PAX5: variants seen among roughly 807,000 people sequenced by gnomAD.
PAX5 encodes paired box protein Pax-5.
A neutral mutation model predicts 43.7 loss-of-function variants in PAX5; 9 were observed. The ratio of observed to expected loss-of-function variants is 0.21; its 90% CI spans 0.12 to 0.36. The LOEUF is 0.36. Among genes scored for constraint, PAX5 ranks in the 10% least tolerant of loss-of-function variants. The probability of loss-of-function intolerance (pLI) is 1.00; values close to 1 mark genes in which losing one functional copy is unlikely to be tolerated. For synonymous variants in PAX5, 228 were observed against 214.3 expected (o/e 1.06, Z -0.56); for missense variants, 383 against 532.7 (o/e 0.72, Z 2.77).
intron 7 of PAX5, among the ~76,000 whole-genome samples, chr9:36,902,062 T>A (rs965974553): frequency 6.6e-6 from 1 of 152,138 alleles, no homozygotes; most frequent in African/African-American, 2.4e-5. Context: ...CCCTGTGATT[T>A]TTAAATTCAC....
At position 36,840,561 on chromosome 9, in the gene PAX5, C is replaced by A; in HGVS notation, c.1175G>T (p.Ter392LeuextTer111). 6.3e-7 allele frequency: 1 copy of A among 1,584,898 alleles called. No homozygotes were observed. The highest frequency in any genetic ancestry group is 1.8e-5 in the Admixed American group (1 of 54,572). The change falls in exon 10 of 10, where the codon TGA becomes TTA. Residue 392 changes from the stop codon to leucine (L), a stop_lost. Coordinates refer to ENST00000358127, the MANE Select transcript of PAX5 (RefSeq NM_016734.3). ...PAAATAYDRH[*>L] is the part of the protein sequence containing the mutation. ...TTGGTGCCCGCCTGGCTCCAAGGGTCAGTGACGGTCATAGGCAGTGGCGGC... is the reference window on the plus strand; with the variant it reads ...TTGGTGCCCGCCTGGCTCCAAGGGTAAGTGACGGTCATAGGCAGTGGCGGC...
At chr9:36,957,890 T>C (rs10733484) in intron 6 of PAX5, among the ~76,000 whole-genome samples, 137,640 of 152,100 alleles carry the variant, frequency 0.9, 62,443 homozygotes, top group Non-Finnish European at 0.95. Context: ...CTGATGCAGT[T>C]GATGGTGACC....
intron 5 of PAX5, among the ~76,000 whole-genome samples, chr9:36,978,571 T>A (rs1046839608): frequency 6.6e-6 from 1 of 152,170 alleles, no homozygotes; most frequent in Admixed American, 6.5e-5. Context: ...GCATTACCCC[T>A]ATTTGAGTTT....
rs1210320854 is a variant in PAX5, at chr9:36,966,724, C to G, written c.605G>C (p.Gly202Ala). Residue 202 changes from glycine (G) to alanine (A), a missense_variant and splice_region_variant, in exon 6 of 10, where the codon GGT (glycine) becomes GCT (alanine). Physicochemically the swap from Gly to Ala is moderately conservative, Grantham distance 60 (BLOSUM62 0). Coordinates refer to ENST00000358127, the MANE Select transcript of PAX5 (RefSeq NM_016734.3). ...ADTNKRKRDE[G>A]IQESPVPNGH... ...GTTCGGCACCGGAGACTCCTGAATACCTTTGATGAGCAGGAGAGAGGAAGG... is the reference window on the plus strand; with the variant it reads ...GTTCGGCACCGGAGACTCCTGAATAGCTTTGATGAGCAGGAGAGAGGAAGG... 1.9e-6 allele frequency: 3 copies of G among 1,613,504 alleles called. No homozygotes were observed. The African/African-American group carries it at 4.0e-5, about 22-fold the overall frequency.
rs569897907 is a variant in PAX5 at position 36,912,234 on chromosome 9, A to G, written c.910+11121T>C. 4.6e-5 allele frequency among the ~76,000 whole-genome samples: 7 copies of G among 152,364 alleles called. No homozygotes were observed. The South Asian group carries it at 1.4e-3, about 32-fold the overall frequency. ...AGGGACTCTGGACAAGAGCCCAGAC[A>G]CATAGTAATAACTACCATTTATGGG... On this transcript the variant is annotated intron_variant, in intron 7 of 9. Transcript: ENST00000358127.
At position 36,944,203 on chromosome 9, in the gene PAX5, A is replaced by T. The variant is rs531636985; in HGVS notation, c.781-20719T>A. On this transcript the variant is annotated intron_variant, in intron 6 of 9. Coordinates refer to ENST00000358127, the MANE Select transcript of PAX5 (RefSeq NM_016734.3). ...TGTCTCAAAAAAATAAAAGCTGATT[A>T]AAAAATAATAATAATTGGACCCAAC... is the stretch of plus-strand genomic sequence containing the variant. 2.0e-5 allele frequency among the ~76,000 whole-genome samples: 3 copies of T among 152,282 alleles called. No homozygotes were observed. In the South Asian group the frequency reaches 6.2e-4, roughly 32 times the overall value.
At chr9:37,026,400 T>C in intron 1 of PAX5, 1 of 786,144 alleles carries the variant, frequency 1.3e-6, no homozygotes, top group Non-Finnish European at 1.8e-6. Flanking sequence ...CTGGGATCCC[T>C]GCACTTTGCA....
In PAX5 at chr9:37,015,956, T is replaced by C. The variant is rs570170588; in HGVS notation, c.213-762A>G. The stretch of plus-strand genomic sequence containing the variant: ...TCTTTCACATTCATCTACCATTTTA[T>C]AGTTTACAGAAAACTTTCGAGTCAG... On this transcript the variant is annotated intron_variant, in intron 2 of 9. Transcript: ENST00000358127. The surrounding 1 kb of genome is among the most constrained non-coding windows in gnomAD (Gnocchi z 4.4). Among the ~76,000 whole-genome samples the C allele has an allele frequency of 9.2e-5, 14 of 152,390 alleles. No individual in the cohort carries two copies. The highest frequency in any genetic ancestry group is 3.4e-4 in the African/African-American group (14 of 41,604).
chr9:36,991,003 C>A (rs529218347), intron 5 of PAX5, among the ~76,000 whole-genome samples: 2 of 151,694 alleles, frequency 1.3e-5, no homozygotes, highest in African/African-American at 4.8e-5. Flanking sequence ...CCAGCTACTC[C>A]GAGGCTGAGC....
intron 7 of PAX5, among the ~76,000 whole-genome samples, chr9:36,900,585 G>T (rs898241520): frequency 6.6e-6 from 1 of 152,182 alleles, no homozygotes. Context: ...AAGATGGAGC[G>T]CATCTGTGGC....
chr9:36,858,697 C>T lies in PAX5; in HGVS notation c.1013-11768G>A, dbSNP rs375191957. Among the ~76,000 whole-genome samples the T allele has an allele frequency of 5.9e-5, 9 of 152,192 alleles. 1 individual carries two copies. The South Asian group carries it at 1.9e-3, about 32-fold the overall frequency. ...CCAAAAATGGCCCAGCCCCCTCCAGCTTGGAGACCCTCAAACCTCCTGGCA... is the reference window on the plus strand; with the variant it reads ...CCAAAAATGGCCCAGCCCCCTCCAGTTTGGAGACCCTCAAACCTCCTGGCA... On this transcript the variant is annotated intron_variant, in intron 8 of 9. Transcript: ENST00000358127.
At chr9:37,002,532 G>T (rs1012381964) in intron 5 of PAX5, 116 bp downstream of exon 5, 123 of 1,114,110 alleles carry the variant, frequency 1.1e-4, no homozygotes, top group Middle Eastern at 5.9e-4. Context: ...CGGGGGACTC[G>T]CTCCTCTGCA....
At position 36,943,529 on chromosome 9, in the gene PAX5, T is replaced by TACACACACACACAC. The variant is rs1554668821; in HGVS notation, c.781-20059_781-20046dup. 1.3e-3 allele frequency among the ~76,000 whole-genome samples: 189 copies of TACACACACACACAC among 146,008 alleles called. 1 individual carries two copies. Among genetic ancestry groups the TACACACACACACAC allele is most frequent in the African/African-American group, 4.2e-3 (166 of 39,662 alleles). On this transcript the variant is annotated intron_variant, in intron 6 of 9. Coordinates refer to ENST00000358127, the MANE Select transcript of PAX5 (RefSeq NM_016734.3). ...TGAGTATTTGTGGATTAGTTCAACA[T>TACACACACACACAC]ACACACACACACACACACACACACA...
At position 37,034,112 on chromosome 9, in the gene PAX5, T is replaced by TC. The variant is rs1841307788; in HGVS notation, c.-82_-81insG. The TC allele has an allele frequency of 1.1e-5, 9 of 834,830 alleles. No individual in the cohort carries two copies. The highest frequency in any genetic ancestry group is 5.6e-5 in the Admixed American group (2 of 36,030). The allele number at this position is 834,830 out of a possible 1,614,324, so 51.7% of individuals were successfully genotyped here. A position where few individuals can be genotyped will look rare whatever the true frequency, so the allele number is the denominator to read the frequency against. On this transcript the variant is annotated 5_prime_UTR_variant, in exon 1 of 10. Transcript: ENST00000358127. The stretch of plus-strand genomic sequence containing the variant: ...CCTTTTTTTTTCTTTTTTTTTTTTT[T>TC]TTTTTTTTTTTTTTGGTGCCAGGGG...
Position 36,837,837 on chromosome 9 carries a change from T to A in PAX5, c.*2723A>T, listed in dbSNP as rs1821749360. On this transcript the variant is annotated 3_prime_UTR_variant, in exon 10 of 10. Coordinates refer to ENST00000358127, the MANE Select transcript of PAX5 (RefSeq NM_016734.3). ...ACAGGATGGGGAGAGGGGGCCGCTG[T>A]GAGCCAGGTGGGCTTTGCCGAGGAA... The A allele has an allele frequency of 4.3e-6, 1 of 233,364 alleles. No homozygotes were observed. The highest frequency in any genetic ancestry group is 2.2e-5 in the African/African-American group (1 of 45,340). 14.5% of individuals were successfully genotyped at this position (233,364 alleles called of 1,614,324 possible).
At chr9:36,887,390 G>C (rs952380888) in intron 7 of PAX5, among the ~76,000 whole-genome samples, 6 of 151,962 alleles carry the variant, frequency 3.9e-5, no homozygotes, top group Admixed American at 1.3e-4. Context: ...CGAATCACTG[G>C]GGCAAATATG....
At chr9:37,020,988 G>A (rs1839803009) in intron 1 of PAX5, among the ~76,000 whole-genome samples, 187 bp from the exon 2 acceptor site, 1 of 152,146 alleles carries the variant, frequency 6.6e-6, no homozygotes, top group Non-Finnish European at 1.5e-5. Context: ...ATTAATCTTA[G>A]CCTTGGTCCA....
chr9:36,916,020 C>T (rs982982834), intron 7 of PAX5, among the ~76,000 whole-genome samples: 4 of 149,486 alleles, frequency 2.7e-5, no homozygotes, highest in African/African-American at 9.9e-5. Flanking sequence ...GCCATGATCA[C>T]ACCACTGCAC....
At chr9:36,983,882 AGGGTATAG>A (rs1362574489) in intron 5 of PAX5, among the ~76,000 whole-genome samples, 1 of 152,190 alleles carries the variant, frequency 6.6e-6, no homozygotes, top group Non-Finnish European at 1.5e-5. Flanking sequence ...CTTGCTAAAA[AGGGTATAG>A]CTCTAGAGAG....
Sources: allele counts gnomAD v4.1 joint callset (sites outside exome capture counted in the v4.1 genomes callset), GRCh38; gene constraint gnomAD v4.1.1; non-coding constraint Gnocchi (gnomAD v3.1); transcripts MANE v1.5; gene names NCBI Gene and HGNC (gene_info 2026-07-23, HGNC 2026-07-21).